LMX1A: variants seen among roughly 807,000 people sequenced by gnomAD.
LMX1A encodes LIM homeobox transcription factor 1-alpha.
LMX1A carries 15 observed loss-of-function variants against 49.1 expected under a neutral mutation model. The ratio of observed to expected loss-of-function variants is 0.31; its 90% confidence interval spans 0.20 to 0.47. The LOEUF is 0.47. Among genes scored for constraint, LMX1A ranks in the 20% least tolerant of loss-of-function variants. LMX1A has a pLI of 1.00. For missense variants in LMX1A, 372 were observed against 475.8 expected (o/e 0.78, Z 2.03); for synonymous variants, 167 against 185.7 (o/e 0.90, Z 0.82).
At chr1:165,241,858 C>A (rs1320846768) in intron 4 of LMX1A, among the ~76,000 whole-genome samples, 1 of 152,066 alleles carries the variant, frequency 6.6e-6, no homozygotes, top group African/African-American at 2.4e-5. Flanking sequence ...TGTCTAAATA[C>A]GAGCAGTGGA....
At chr1:165,309,019 C>T (rs935162778) in intron 3 of LMX1A, among the ~76,000 whole-genome samples, 4 of 152,016 alleles carry the variant, frequency 2.6e-5, no homozygotes, top group Non-Finnish European at 5.9e-5. Flanking sequence ...ATCTCCAGTC[C>T]CCTTTGGAAA....
chr1:165,215,632 C>CA (rs1052763497), intron 4 of LMX1A, among the ~76,000 whole-genome samples: 4 of 151,950 alleles, frequency 2.6e-5, no homozygotes, highest in Non-Finnish European at 4.4e-5. Flanking sequence ...CTGCCAGAGC[C>CA]AAAAAAACTT....
At chr1:165,234,666 T>C (rs1399104702) in intron 4 of LMX1A, among the ~76,000 whole-genome samples, 3 of 152,200 alleles carry the variant, frequency 2.0e-5, no homozygotes, top group Non-Finnish European at 1.5e-5. Context: ...CAAACAGCCA[T>C]GGACTTAGTG....
At chr1:165,204,150 G>T in intron 8 of LMX1A, 110 bp from the exon 9 acceptor site, 1 of 1,162,756 alleles carries the variant, frequency 8.6e-7, no homozygotes, top group Non-Finnish European at 1.2e-6. Context: ...GGCTCCAGGT[G>T]AAACTTTCTA....
intron 3 of LMX1A, among the ~76,000 whole-genome samples, chr1:165,275,847 A>ATGTGTGTGTGTGTGTGTG (rs529022372): frequency 1.4e-5 from 2 of 138,964 alleles, no homozygotes; most frequent in Non-Finnish European, 3.1e-5. Context: ...GTGTGTGTGT[A>ATGTGTGTGTGTGTGTGTG]TGTGTGTGTG....
At chr1:165,261,808 G>A (rs1653450207) in intron 3 of LMX1A, among the ~76,000 whole-genome samples, 1 of 152,164 alleles carries the variant, frequency 6.6e-6, no homozygotes, top group African/African-American at 2.4e-5. Flanking sequence ...ATGGTACTTA[G>A]GAAGTTCCTA....
chr1:165,303,190 G>T (rs1404539265), intron 3 of LMX1A, among the ~76,000 whole-genome samples: 1 of 152,102 alleles, frequency 6.6e-6, no homozygotes, highest in African/African-American at 2.4e-5. Context: ...TAGTGAGAAC[G>T]CTCCTTGTGT....
chr1:165,208,666 T>A (rs1401748134), intron 6 of LMX1A, among the ~76,000 whole-genome samples: 4 of 149,998 alleles, frequency 2.7e-5, no homozygotes, highest in Non-Finnish European at 5.9e-5. Flanking sequence ...TGAGACGGAG[T>A]CTCGCTCTGT....
intron 3 of LMX1A, among the ~76,000 whole-genome samples, chr1:165,320,162 G>GA (rs1259563159): frequency 6.6e-6 from 1 of 152,212 alleles, no homozygotes; most frequent in Non-Finnish European, 1.5e-5. Flanking sequence ...ATAAGTGTCT[G>GA]TTCATGTCCT....
chr1:165,299,906 C>T (rs994681391), intron 3 of LMX1A, among the ~76,000 whole-genome samples: 1 of 152,142 alleles, frequency 6.6e-6, no homozygotes, highest in Admixed American at 6.5e-5. Context: ...CCTGACCTCC[C>T]CCAAGACAGG....
In LMX1A at chr1:165,290,247, C is replaced by T. The variant is rs78105434; in HGVS notation, c.264-40607G>A. Among the ~76,000 whole-genome samples the T allele has an allele frequency of 1.4e-4, 21 of 152,296 alleles. No homozygotes were observed. In the East Asian group the frequency reaches 2.1e-3, roughly 15 times the overall value. On this transcript the variant is annotated intron_variant, in intron 3 of 8. Transcript: ENST00000342310. ...AAAACAACAGAAATTTATTCTCTCGCGGTTCTAGAGACCAGAAGTTCAAAA... is the reference window on the plus strand; with the variant it reads ...AAAACAACAGAAATTTATTCTCTCGTGGTTCTAGAGACCAGAAGTTCAAAA...
At chr1:165,315,701 C>T (rs141866635) in intron 3 of LMX1A, among the ~76,000 whole-genome samples, 26 of 152,274 alleles carry the variant, frequency 1.7e-4, no homozygotes, top group South Asian at 4.1e-4. Flanking sequence ...CCCTCTACCC[C>T]CAGGAAAAAC....
intron 3 of LMX1A, among the ~76,000 whole-genome samples, chr1:165,297,086 G>A (rs774356667): frequency 1.8e-3 from 267 of 152,322 alleles, no homozygotes; most frequent in Non-Finnish European, 2.8e-3. Flanking sequence ...GACATCTGTA[G>A]AGCTCAGTTT....
chr1:165,320,558 C>A (rs991637277), intron 3 of LMX1A, among the ~76,000 whole-genome samples: 2 of 152,162 alleles, frequency 1.3e-5, no homozygotes, highest in Admixed American at 6.5e-5. Context: ...GGCAGAGCAC[C>A]AGTACTCTAG....
In LMX1A at chr1:165,353,300, G is replaced by A. The variant is rs200698824; in HGVS notation, c.77-38C>T. On this transcript the variant is annotated intron_variant, in intron 2 of 8. Coordinates refer to ENST00000342310, the MANE Select transcript of LMX1A (RefSeq NM_177398.4). Reference sequence around the variant, plus strand: ...CAGACGTTGGCGGGTGAGCAGCCCGGGCAGGTAGACCATGCCAAACCTGGC... The same window carrying A: ...CAGACGTTGGCGGGTGAGCAGCCCGAGCAGGTAGACCATGCCAAACCTGGC... 5 of 1,580,894 alleles carry A rather than the reference G, an allele frequency of 3.2e-6. No individual in the cohort carries two copies. The Admixed American group carries it at 8.5e-5, about 27-fold the overall frequency.
intron 3 of LMX1A, among the ~76,000 whole-genome samples, chr1:165,291,096 A>T (rs1426269976): frequency 1.3e-5 from 2 of 152,244 alleles, no homozygotes; most frequent in Admixed American, 1.3e-4. Context: ...ATCTAAGATT[A>T]TTACCATTAA....
chr1:165,278,294 G>A (rs931739031), intron 3 of LMX1A, among the ~76,000 whole-genome samples: 4 of 152,178 alleles, frequency 2.6e-5, no homozygotes, highest in South Asian at 4.1e-4. Flanking sequence ...AACATCTAGC[G>A]TATGGCTATG....
At chr1:165,284,556 T>G (rs1252378812) in intron 3 of LMX1A, among the ~76,000 whole-genome samples, 1 of 152,218 alleles carries the variant, frequency 6.6e-6, no homozygotes. Flanking sequence ...ACACGGTGCC[T>G]ACCCAGACCC....
rs73027296 is a variant in LMX1A at position 165,228,253 on chromosome 1, G to T, written c.497-14440C>A. On this transcript the variant is annotated intron_variant, in intron 4 of 8. Coordinates refer to ENST00000342310, the MANE Select transcript of LMX1A (RefSeq NM_177398.4). ...ATAGCCCTGCTGAAGCTCCTCCATGGCACCAGCTCATACCTGACAGGCCCA... is the reference window on the plus strand; with the variant it reads ...ATAGCCCTGCTGAAGCTCCTCCATGTCACCAGCTCATACCTGACAGGCCCA... Among the ~76,000 whole-genome samples, 416 of 152,270 alleles carry T rather than the reference G, an allele frequency of 2.7e-3. 4 individuals are homozygous for T. Among genetic ancestry groups the T allele is most frequent in the African/African-American group, 9.7e-3 (403 of 41,554 alleles).
Sources: allele counts gnomAD v4.1 joint callset (sites outside exome capture counted in the v4.1 genomes callset), GRCh38; gene constraint gnomAD v4.1.1; transcripts MANE v1.5; gene names NCBI Gene and HGNC (gene_info 2026-07-23, HGNC 2026-07-21).